FRMPD4: variants seen among roughly 807,000 people sequenced by gnomAD.
FRMPD4 encodes the protein FERM and PDZ domain containing 4, also known as FERM and PDZ domain-containing protein 4.
A neutral mutation model predicts 94.1 loss-of-function variants in FRMPD4; 22 were observed. The ratio of observed to expected loss-of-function variants is 0.23; its 90% CI spans 0.17 to 0.33. The LOEUF is 0.33. Ranked by LOEUF, FRMPD4 falls within the 10% of genes least tolerant of loss-of-function variation. FRMPD4 has a pLI of 1.00. For missense variants in FRMPD4, 1,111 were observed against 1,339.9 expected, an observed-to-expected ratio of 0.83 and a Z score of 2.67; for synonymous variants, 631 against 548.6, an observed-to-expected ratio of 1.15 and a Z score of -2.10.
intron 1 of FRMPD4, among the ~76,000 whole-genome samples, chrX:12,416,238 T>C (rs1272314678): frequency 1.8e-5 from 2 of 110,319 alleles, no homozygotes; most frequent in African/African-American, 6.6e-5. Context: ...TTCTTTCTTT[T>C]TTTGGATATA....
At chrX:12,279,228 G>A (rs2054488915) in intron 1 of FRMPD4, among the ~76,000 whole-genome samples, 1 of 112,205 alleles carries the variant, frequency 8.9e-6, no homozygotes, top group South Asian at 3.8e-4. Context: ...TGCACCCACC[G>A]TAACATTCAG....
At chrX:12,117,094 G>C (rs2055415516) in intron 3 of FRMPD4, among the ~76,000 whole-genome samples, 1 of 110,673 alleles carries the variant, frequency 9.0e-6, no homozygotes, top group Non-Finnish European at 1.9e-5. Flanking sequence ...GCTTTCCTGA[G>C]GTATCTTCTC....
chrX:12,382,764 C>G (rs1330988165), intron 1 of FRMPD4, among the ~76,000 whole-genome samples: 1 of 111,591 alleles, frequency 9.0e-6, no homozygotes, highest in Non-Finnish European at 1.9e-5. Context: ...TCTATCATCT[C>G]TCAGCCTTGT....
chrX:12,563,891 T>C (rs1465593781), intron 2 of FRMPD4, among the ~76,000 whole-genome samples: 1 of 112,317 alleles, frequency 8.9e-6, no homozygotes, highest in Non-Finnish European at 1.9e-5. Context: ...AGATGATTGT[T>C]GGAGGACATT....
chrX:12,334,834 C>T (rs1217120950), intron 1 of FRMPD4, among the ~76,000 whole-genome samples: 3 of 111,422 alleles, frequency 2.7e-5, no homozygotes, highest in Non-Finnish European at 5.6e-5. Context: ...AGCTCTAGTA[C>T]ATCTCAGACA....
intron 1 of FRMPD4, among the ~76,000 whole-genome samples, chrX:12,199,865 G>A (rs1208399202): frequency 9.0e-6 from 1 of 111,245 alleles, no homozygotes; most frequent in East Asian, 2.8e-4. Context: ...TCAGAAAGTG[G>A]GGAGTGCTGA....
At chrX:12,479,638 A>G (rs755449060) in intron 1 of FRMPD4, among the ~76,000 whole-genome samples, 227 of 107,525 alleles carry the variant, frequency 2.1e-3, no homozygotes, top group Non-Finnish European at 3.4e-3. Context: ...AGTAGCTAGC[A>G]CTACAGTTGC....
intron 1 of FRMPD4, among the ~76,000 whole-genome samples, chrX:12,370,224 A>C (rs1309484691): frequency 1.8e-5 from 2 of 112,010 alleles, no homozygotes; most frequent in Admixed American, 1.9e-4. Flanking sequence ...TAACCCCAGC[A>C]CTTTGGGAGG....
chrX:12,026,363 A>T (rs753512975), intron 3 of FRMPD4, among the ~76,000 whole-genome samples: 74 of 112,075 alleles, frequency 6.6e-4, no homozygotes, highest in African/African-American at 2.4e-3. Flanking sequence ...AAAACTTAAC[A>T]TTGTTCCTGC....
intron 1 of FRMPD4, among the ~76,000 whole-genome samples, chrX:12,371,737 A>T (rs189762037): frequency 1.1e-3 from 120 of 111,648 alleles, no homozygotes; most frequent in Middle Eastern, 4.7e-3. Flanking sequence ...GCCTATGATG[A>T]TGGTAAAGAA....
At chrX:11,834,917 G>A (rs764574668) in intron 1 of FRMPD4, among the ~76,000 whole-genome samples, 1 of 111,751 alleles carries the variant, frequency 8.9e-6, no homozygotes, top group Non-Finnish European at 1.9e-5. Flanking sequence ...ACTTGGCAAA[G>A]CCTTAGTCTG....
In FRMPD4 at chrX:12,694,328, C is replaced by T. The variant is rs1217723777; in HGVS notation, c.814-7C>T. The T allele has an allele frequency of 1.7e-6, 2 of 1,197,672 alleles. No homozygotes were observed. Among genetic ancestry groups the T allele is most frequent in the Admixed American group, 2.2e-5 (1 of 45,778 alleles). On this transcript the variant is annotated splice_polypyrimidine_tract_variant and splice_region_variant and intron_variant, in intron 8 of 16. Transcript: ENST00000675598. Reference sequence around the variant, plus strand: ...AGGGTTCTTGTGTGATTGGTCTACTCTTCCAGGTGACACAGAGGCCCAGCT... The same window carrying T: ...AGGGTTCTTGTGTGATTGGTCTACTTTTCCAGGTGACACAGAGGCCCAGCT...
intron 3 of FRMPD4, among the ~76,000 whole-genome samples, chrX:12,028,642 T>A (rs1438101479): frequency 9.0e-6 from 1 of 111,286 alleles, no homozygotes; most frequent in East Asian, 2.8e-4. Context: ...CGTATTCATC[T>A]CTTATTTCCC....
intron 3 of FRMPD4, among the ~76,000 whole-genome samples, chrX:12,019,360 C>T (rs968722366): frequency 3.7e-5 from 4 of 109,458 alleles, no homozygotes; most frequent in African/African-American, 6.7e-5. Context: ...TAATTGTCTC[C>T]GGCTTTCACA....
chrX:12,408,363 A>T (rs1251924831), intron 1 of FRMPD4, among the ~76,000 whole-genome samples: 1 of 110,330 alleles, frequency 9.1e-6, no homozygotes, highest in Non-Finnish European at 1.9e-5. Context: ...TTAAAAATAT[A>T]ATTACTCTTA....
chrX:12,176,697 A>G (rs1183815869), intron 1 of FRMPD4, among the ~76,000 whole-genome samples: 4 of 112,486 alleles, frequency 3.6e-5, no homozygotes, highest in Admixed American at 2.8e-4. Context: ...TCTAAACTTG[A>G]GCAAAACAAC....
intron 1 of FRMPD4, among the ~76,000 whole-genome samples, chrX:12,165,409 A>G (rs2056098998): frequency 9.0e-6 from 1 of 111,711 alleles, no homozygotes; most frequent in African/African-American, 3.3e-5. Context: ...ATTGGTCTAT[A>G]TCTCTATTTT....
chrX:12,288,816 C>T (rs1363196243), intron 1 of FRMPD4, among the ~76,000 whole-genome samples: 1 of 111,583 alleles, frequency 9.0e-6, no homozygotes, highest in East Asian at 2.8e-4. Context: ...TTTGTCCCTC[C>T]TTTTAAAAAG....
rs186809636 is a variant in FRMPD4 at position 12,464,119 on chromosome X, A to G, written c.42-34561A>G. Among the ~76,000 whole-genome samples, 26 of 111,646 alleles carry G rather than the reference A, an allele frequency of 2.3e-4. No individual in the cohort carries two copies. In the East Asian group the frequency reaches 7.4e-3, roughly 32 times the overall value. On this transcript the variant is annotated intron_variant, in intron 1 of 16. Coordinates refer to ENST00000675598, the MANE Select transcript of FRMPD4 (RefSeq NM_001368397.1). ...ACCCCTAGTATAGAACTTGCCTGAG[A>G]CTTGTACTTCTGAAGGATGAAGCTG...
Sources: gnomAD v4.1 joint callset for allele counts (sites outside exome capture counted in the v4.1 genomes callset) on GRCh38, gnomAD v4.1.1 for gene constraint, MANE v1.5 for transcripts, NCBI Gene and HGNC (gene_info 2026-07-23, HGNC 2026-07-21) for gene names.